OTOGL: variants seen among roughly 807,000 people sequenced by gnomAD.
OTOGL encodes otogelin like, also known as otogelin-like protein.
A neutral mutation model predicts 318.5 loss-of-function variants in OTOGL; 285 were observed. The observed-to-expected ratio is 0.89, with a 90% CI of 0.81 to 0.99. The LOEUF is 0.99. Ranked by LOEUF, OTOGL falls within the 50% of genes least tolerant of loss-of-function variation. OTOGL has a pLI of 0.00. For synonymous variants in OTOGL, 987 were observed against 936.5 expected (o/e 1.05, Z -0.99); for missense variants, 2,899 against 2,845.6 (o/e 1.02, Z -0.43).
chr12:80,141,340 G>T (rs942110103), intron 1 of OTOGL, among the ~76,000 whole-genome samples: 3 of 151,998 alleles, frequency 2.0e-5, no homozygotes, highest in African/African-American at 7.3e-5. Flanking sequence ...CTAATTGAAA[G>T]GTGACTATTA....
intron 1 of OTOGL, among the ~76,000 whole-genome samples, chr12:80,195,516 G>A (rs1464877808): frequency 6.6e-6 from 1 of 152,178 alleles, no homozygotes; most frequent in East Asian, 1.9e-4. Context: ...AGTTAAAATA[G>A]GCTGGTTAGT....
At chr12:80,223,010 T>C (rs922584852) in intron 7 of OTOGL, among the ~76,000 whole-genome samples, 1 of 152,052 alleles carries the variant, frequency 6.6e-6, no homozygotes, top group African/African-American at 2.4e-5. Context: ...TTGTACCCAA[T>C]GTGTAGTCTT....
chr12:80,139,535 ACT>A (rs1412817825), intron 1 of OTOGL, among the ~76,000 whole-genome samples: 1 of 150,054 alleles, frequency 6.7e-6, no homozygotes, highest in Admixed American at 6.6e-5. Context: ...GCTAATGTGC[ACT>A]CTCTTTTCTT....
rs1887135904 is a variant in OTOGL at position 80,318,712 on chromosome 12, A to G, written c.3801A>G (p.Ser1267=). ...CAGGCCTTTTCAAAGAGAAGGTATC[A>G]TGTAAGTATAATTGAAAATAAGAGT... ...ITPGLFKEKV[S]SLALVSLESA... The change falls in exon 33 of 59, where the codon TCA becomes TCG. Residue 1267 remains serine, a splice_region_variant and synonymous_variant. Transcript: ENST00000547103. 8.0e-7 allele frequency: 1 copy of G among 1,252,052 alleles called. No individual in the cohort carries two copies. The highest frequency in any genetic ancestry group is 1.0e-6 in the Non-Finnish European group (1 of 977,886). 77.6% of individuals were successfully genotyped at this position (1,252,052 alleles called of 1,614,324 possible).
At chr12:80,347,803 A>G (rs1483641084) in intron 44 of OTOGL, among the ~76,000 whole-genome samples, 1 of 151,746 alleles carries the variant, frequency 6.6e-6, no homozygotes, top group African/African-American at 2.4e-5. Context: ...CTTTTTAATG[A>G]TTGCCATTCT....
chr12:80,149,275 C>G (rs1259820837), intron 1 of OTOGL, among the ~76,000 whole-genome samples: 3 of 151,778 alleles, frequency 2.0e-5, no homozygotes, highest in African/African-American at 7.3e-5. Context: ...TTCTAACAGA[C>G]AGGACCCTCA....
chr12:80,368,064 G>A, intron 54 of OTOGL, 141 bp from the exon 55 acceptor site: 2 of 643,416 alleles, frequency 3.1e-6, no homozygotes, highest in Non-Finnish European at 5.2e-6. Context: ...ATTATTATTG[G>A]AAGCTTCTCA....
At chr12:80,192,846 GAAGT>G (rs1443239523) in intron 1 of OTOGL, among the ~76,000 whole-genome samples, 1 of 152,044 alleles carries the variant, frequency 6.6e-6, no homozygotes, top group Admixed American at 6.6e-5. Flanking sequence ...AAAAATCCCA[GAAGT>G]AAGTACCGTG....
chr12:80,169,194 A>G (rs1874026141), intron 1 of OTOGL, among the ~76,000 whole-genome samples: 1 of 151,928 alleles, frequency 6.6e-6, no homozygotes, highest in Non-Finnish European at 1.5e-5. Context: ...ATAACCTTTC[A>G]TTTTTTTCAT....
intron 8 of OTOGL, among the ~76,000 whole-genome samples, chr12:80,231,466 T>C (rs907004741): frequency 2.0e-5 from 3 of 152,152 alleles, no homozygotes; most frequent in Non-Finnish European, 1.5e-5. Flanking sequence ...TGTTAATTAG[T>C]ATGCTCAGTT....
rs139613001 is a variant in OTOGL, at chr12:80,155,239, T to C, written c.-19-54174T>C. ...CTCAGTCTGTGGTTTGTCTTCTCAT[T>C]CTCTTTACCTTGTCTTTCACAGAGT... On this transcript the variant is annotated intron_variant, in intron 1 of 58. Coordinates refer to ENST00000547103, the MANE Select transcript of OTOGL (RefSeq NM_001378609.3). Among the ~76,000 whole-genome samples the C allele has an allele frequency of 2.8e-3, 422 of 152,340 alleles. 3 individuals carry two copies. Among genetic ancestry groups the C allele is most frequent in the Admixed American group, 6.0e-3 (92 of 15,306 alleles).
Position 80,124,355 on chromosome 12 carries a change from C to T in OTOGL, c.-20+24750C>T, listed in dbSNP as rs189595218. On this transcript the variant is annotated intron_variant, in intron 1 of 58. Transcript: ENST00000547103. ...CGAAGATCAGATAGTTGTAGATATG[C>T]GGTATTAATTCTGAGGGCTCTGTTC... 6.6e-3 allele frequency among the ~76,000 whole-genome samples: 1,001 copies of T among 152,118 alleles called. 12 individuals carry two copies. The highest frequency in any genetic ancestry group is 0.023 in the African/African-American group (952 of 41,498).
chr12:80,295,614 G>A (rs1885340006), intron 26 of OTOGL, among the ~76,000 whole-genome samples: 1 of 152,180 alleles, frequency 6.6e-6, no homozygotes, highest in Non-Finnish European at 1.5e-5. Context: ...AAATGTCACA[G>A]TTCTTCCTTT....
rs1180021711 is a variant in OTOGL at position 80,267,314 on chromosome 12, C to A, written c.2452C>A (p.Pro818Thr). ...VYQPGELIPT[P>T]SGLCQCSNGT... is the part of the protein sequence containing the mutation. The stretch of plus-strand genomic sequence containing the variant: ...TCAACCTGGAGAGCTCATCCCCACA[C>A]CCTCGGGCTTATGGTAGGTTTCAAT... Residue 818 changes from proline to threonine, a missense_variant, in exon 22 of 59, where the codon CCC (proline) becomes ACC (threonine). Around this residue, in one of 3 missense-constraint regions of OTOGL, gnomAD observed 2,607 missense variants for 2,524.9 expected, o/e 1.03. Coordinates refer to ENST00000547103, the MANE Select transcript of OTOGL (RefSeq NM_001378609.3). The A allele has an allele frequency of 6.5e-7, 1 of 1,529,624 alleles. No individual in the cohort carries two copies. The highest frequency in any genetic ancestry group is 1.2e-5 in the South Asian group (1 of 83,784). 94.8% of individuals were successfully genotyped at this position (1,529,624 alleles called of 1,614,324 possible).
intron 1 of OTOGL, among the ~76,000 whole-genome samples, chr12:80,161,130 G>A (rs1331278799): frequency 6.6e-6 from 1 of 151,750 alleles, no homozygotes; most frequent in Non-Finnish European, 1.5e-5. Flanking sequence ...TTGCGTTCAG[G>A]GTATACTGCT....
rs1056051311 is a variant in OTOGL, at chr12:80,261,960, G to A, written c.1890-9G>A. ...ATACATGAAGATGAGCATTGTCTTT[G>A]CTTTCTAGTTCTCCATCAGGCATGA... On this transcript the variant is annotated splice_polypyrimidine_tract_variant and intron_variant, in intron 18 of 58. Transcript: ENST00000547103. 1 of 1,609,104 alleles carries A rather than the reference G, an allele frequency of 6.2e-7. No individual in the cohort carries two copies. Among genetic ancestry groups the A allele is most frequent in the East Asian group, 2.2e-5 (1 of 44,722 alleles).
intron 23 of OTOGL, among the ~76,000 whole-genome samples, chr12:80,271,077 G>A (rs950856808): frequency 1.3e-5 from 2 of 152,118 alleles, no homozygotes; most frequent in African/African-American, 4.8e-5. Flanking sequence ...ACATTCGGTA[G>A]CTACAGGGCC....
intron 1 of OTOGL, among the ~76,000 whole-genome samples, chr12:80,108,953 T>TATATATATAC (rs1555268625): frequency 4.2e-5 from 6 of 142,742 alleles, no homozygotes; most frequent in African/African-American, 1.6e-4. Flanking sequence ...TATATATATA[T>TATATATATAC]ACACACACAC....
At position 80,219,759 on chromosome 12, in the gene OTOGL, C is replaced by T. The variant is rs1878109071; in HGVS notation, c.236-55C>T. 9.6e-6 allele frequency: 11 copies of T among 1,149,276 alleles called. 1 individual carries two copies. In the South Asian group the frequency reaches 1.3e-4, roughly 14 times the overall value. The allele number at this position is 1,149,276 out of a possible 1,614,324, so 71.2% of individuals were successfully genotyped here. A position where few individuals can be genotyped will look rare whatever the true frequency, so the allele number is the denominator to read the frequency against. ...CCAAGCTATATCTTGACATATTATG[C>T]TTAAAAGAACAAATGGATGCCAGAA... On this transcript the variant is annotated intron_variant, in intron 5 of 58. Coordinates refer to ENST00000547103, the MANE Select transcript of OTOGL (RefSeq NM_001378609.3).
Sources: allele counts gnomAD v4.1 joint callset (sites outside exome capture counted in the v4.1 genomes callset), GRCh38; gene constraint gnomAD v4.1.1; regional missense constraint gnomAD v4.1.1; transcripts MANE v1.5; gene names NCBI Gene and HGNC (gene_info 2026-07-23, HGNC 2026-07-21).